CPT2: variants seen among roughly 807,000 people sequenced by gnomAD.
The protein encoded by CPT2 is carnitine O-palmitoyltransferase 2, mitochondrial.
Under a neutral mutation model 48.6 loss-of-function variants are expected in CPT2, and 37 were observed. The ratio of observed to expected loss-of-function variants is 0.76; its 90% confidence interval spans 0.59 to 1.00. The LOEUF (loss-of-function observed/expected upper bound fraction) is 1.00, where lower values mean the gene tolerates loss of function less well. Ranked by LOEUF, CPT2 falls within the 50% of genes least tolerant of loss-of-function variation. CPT2 has a pLI of 0.00. For missense variants in CPT2, 772 were observed against 825.6 expected, an observed-to-expected ratio of 0.94 and a Z score of 0.80; for synonymous variants, 319 against 326.9, an observed-to-expected ratio of 0.98 and a Z score of 0.26.
Position 53,197,063 on chromosome 1 carries a change from GC to G in CPT2, c.123del (p.Thr42ProfsTer31). On this transcript the variant is annotated frameshift_variant, in exon 1 of 5. Transcript: ENST00000371486. LOFTEE classifies it high-confidence loss of function. ...PGQYLQRSIV[P>X]TMHYQDSLPR... ...GCCAGTACCTGCAGCGCAGCATCGTGCCCACCATGCACTACCAGGACAGCCT... is the reference window on the plus strand; with the variant it reads ...GCCAGTACCTGCAGCGCAGCATCGTGCCACCATGCACTACCAGGACAGCCT... The G allele has an allele frequency of 6.5e-7, 1 of 1,539,324 alleles. No homozygotes were observed.
rs1645423595 is a variant in CPT2 at position 53,211,075 on chromosome 1, C to T, written c.1401C>T (p.Ala467=). 6.2e-7 allele frequency: 1 copy of T among 1,614,150 alleles called. No homozygotes were observed. The highest frequency in any genetic ancestry group is 1.3e-5 in the African/African-American group (1 of 75,036). The stretch of plus-strand genomic sequence containing the variant: ...AAAAGCTGAGCCCTGACGCAGTTGC[C>T]CAGCTGGCATTCCAGATGGCCTTCC... ...KKQKLSPDAV[A]QLAFQMAFLR... is the part of the protein sequence containing the mutation. Residue 467 remains alanine, a synonymous_variant, in exon 4 of 5, where the codon GCC becomes GCT. Transcript: ENST00000371486.
Position 53,210,804 on chromosome 1 carries a change from G to A in CPT2, c.1130G>A (p.Gly377Asp). Residue 377 changes from glycine (G) to aspartate (D), a missense_variant, in exon 4 of 5, where the codon GGT becomes GAT. Gly to Asp is a moderately conservative substitution (Grantham distance 94). Transcript: ENST00000371486. ...AVHFEHSWGD[G>D]VAVLRFFNEV... ...CACTTTGAGCACTCTTGGGGTGATG[G>A]TGTGGCAGTGCTCAGATTTTTTAAT... 1 of 1,614,168 alleles carries A rather than the reference G, an allele frequency of 6.2e-7. No homozygotes were observed. The highest frequency in any genetic ancestry group is 8.5e-7 in the Non-Finnish European group (1 of 1,180,018).
chr1:53,197,193 CGCCCCCAAGCCCCTACCATGGAG>C, intron 1 of CPT2, 98 bp downstream of exon 1: 1 of 1,431,514 alleles, frequency 7.0e-7, no homozygotes, highest in East Asian at 2.5e-5. Context: ...AACCCGTTTC[CGCCCCCAAGCCCCTACCATGGAG>C]GCTGCCACAG....
chr1:53,213,418 G>GGGCTTTGCCCCTGTGGTCTCTGAT lies in CPT2; in HGVS notation c.1808_1831dup (p.Ala603_Phe610dup). ...TGAGCAGCCCAGCAGTGAACCTTGGGGGCTTTGCCCCTGTGGTCTCTGATG... is the reference window on the plus strand; with the variant it reads ...TGAGCAGCCCAGCAGTGAACCTTGGGGGCTTTGCCCCTGTGGTCTCTGATGGCTTTGCCCCTGTGGTCTCTGATG... On this transcript the variant is annotated inframe_insertion, in exon 5 of 5. Coordinates refer to ENST00000371486, the MANE Select transcript of CPT2 (RefSeq NM_000098.3). 6.2e-7 allele frequency: 1 copy of GGGCTTTGCCCCTGTGGTCTCTGAT among 1,614,230 alleles called. No homozygotes were observed. Among genetic ancestry groups the GGGCTTTGCCCCTGTGGTCTCTGAT allele is most frequent in the Non-Finnish European group, 8.5e-7 (1 of 1,180,048 alleles).
chr1:53,196,954 G>T lies in CPT2; in HGVS notation c.11G>T (p.Arg4Leu), dbSNP rs1338278472. The change falls in exon 1 of 5, where the codon CGC becomes CTC. Residue 4 changes from arginine to leucine, a missense_variant. By Grantham distance (102) the Arg-to-Leu change is moderately radical. Coordinates refer to ENST00000371486, the MANE Select transcript of CPT2 (RefSeq NM_000098.3). MVP[R>L]LLLRAWPRGP... ...CAGGCTCCCGGGACGATGGTGCCCC[G>T]CCTGCTGCTGCGCGCCTGGCCCCGG... is the stretch of plus-strand genomic sequence containing the variant. The T allele has an allele frequency of 1.3e-6, 2 of 1,540,160 alleles. No individual in the cohort carries two copies. Among genetic ancestry groups the T allele is most frequent in the Non-Finnish European group, 1.7e-6 (2 of 1,151,778 alleles).
intron 3 of CPT2, chr1:53,204,319 C>T (rs540412102): frequency 5.3e-4 from 81 of 151,992 alleles, no homozygotes; most frequent in African/African-American, 1.7e-3. Flanking sequence ...TCTTGGGAGA[C>T]TTACTTAATT....
chr1:53,210,056 G>A lies in CPT2; in HGVS notation c.382G>A (p.Val128Ile), dbSNP rs769160926. The A allele has an allele frequency of 4.3e-6, 7 of 1,614,040 alleles. No individual in the cohort carries two copies. The South Asian group carries it at 7.7e-5, about 18-fold the overall frequency. ...GTACCTATCTGCTCGAGACTCCGTT[G>A]TTCTGAACTTTAATCCATTTATGGC... Reference protein sequence around the residue: ...DMYLSARDSVVLNFNPFMAFN... With the variant: ...DMYLSARDSVILNFNPFMAFN... Residue 128 changes from valine (V) to isoleucine (I), a missense_variant, in exon 4 of 5, where the codon GTT becomes ATT. Coordinates refer to ENST00000371486, the MANE Select transcript of CPT2 (RefSeq NM_000098.3).
rs745619478 is a variant in CPT2, at chr1:53,196,903, C to T, written c.-41C>T. On this transcript the variant is annotated 5_prime_UTR_variant, in exon 1 of 5. Transcript: ENST00000371486. ...GGCCTTGTGTTTAGACTCCAGAACT[C>T]CCCACTTGCCGCGTTCTCGCCGCCG... is the stretch of plus-strand genomic sequence containing the variant. 4 of 1,534,612 alleles carry T rather than the reference C, an allele frequency of 2.6e-6. No homozygotes were observed. The highest frequency in any genetic ancestry group is 2.5e-5 in the East Asian group (1 of 39,800).
At chr1:53,208,725 A>T (rs1202200390) in intron 3 of CPT2, 2 of 152,242 alleles carry the variant, frequency 1.3e-5, no homozygotes, top group African/African-American at 4.8e-5. Flanking sequence ...TTCCAGCATG[A>T]ATGCAAGTGG....
chr1:53,198,268 C>T (rs1645335731), intron 1 of CPT2, among the ~76,000 whole-genome samples: 1 of 152,204 alleles, frequency 6.6e-6, no homozygotes, highest in South Asian at 2.1e-4. Context: ...AGAGGCCAGG[C>T]TTCTTCCCCA....
At chr1:53,200,360 A>C in intron 1 of CPT2, 1 of 193,146 alleles carries the variant, frequency 5.2e-6, no homozygotes, top group Non-Finnish European at 1.1e-5. Flanking sequence ...GCAGTTGTTC[A>C]AACTAAGGGT....
chr1:53,199,451 A>T (rs1645342597), intron 1 of CPT2, among the ~76,000 whole-genome samples: 1 of 152,178 alleles, frequency 6.6e-6, no homozygotes, highest in African/African-American at 2.4e-5. Context: ...CGGCCTCCCA[A>T]AGTGCTGGGA....
At chr1:53,205,318 C>G (rs1645380458) in intron 3 of CPT2, among the ~76,000 whole-genome samples, 1 of 152,128 alleles carries the variant, frequency 6.6e-6, no homozygotes, top group Non-Finnish European at 1.5e-5. Context: ...TAGAGATCTG[C>G]AGAACTTTGA....
chr1:53,205,028 T>C (rs1645378843), intron 3 of CPT2, among the ~76,000 whole-genome samples: 1 of 152,142 alleles, frequency 6.6e-6, no homozygotes, highest in Non-Finnish European at 1.5e-5. Flanking sequence ...GAGGGGGGCA[T>C]TGCTACAAAG....
chr1:53,213,774 C>A lies in CPT2; in HGVS notation c.*179C>A. 2 of 597,712 alleles carry A rather than the reference C, an allele frequency of 3.3e-6. No homozygotes were observed. The highest frequency in any genetic ancestry group is 3.8e-5 in the South Asian group (2 of 52,374). The allele number at this position is 597,712 out of a possible 1,614,324, so 37.0% of individuals were successfully genotyped here. A position where few individuals can be genotyped will look rare whatever the true frequency, so the allele number is the denominator to read the frequency against. ...TGAAACCTTGTCTCTACTAAAAATA[C>A]AAAAATTAGCTGGGTGTGGTGGCAT... is the stretch of plus-strand genomic sequence containing the variant. On this transcript the variant is annotated 3_prime_UTR_variant, in exon 5 of 5. Transcript: ENST00000371486.
Position 53,196,826 on chromosome 1 carries a change from A to C in CPT2, c.-118A>C. 7.5e-7 allele frequency: 1 copy of C among 1,328,682 alleles called. No individual in the cohort carries two copies. The highest frequency in any genetic ancestry group is 2.0e-5 in the Admixed American group (1 of 48,816). 82.3% of individuals were successfully genotyped at this position (1,328,682 alleles called of 1,614,324 possible). On this transcript the variant is annotated 5_prime_UTR_variant, in exon 1 of 5. Transcript: ENST00000371486. ...GGGGCCGGAAGTGGCCTGCGGGCGG[A>C]GAAGTGCCTCAGGAGTCCTGACGCA...
Position 53,211,050 on chromosome 1 carries a change from A to T in CPT2, c.1376A>T (p.Gln459Leu), listed in dbSNP as rs1335909876. The T allele has an allele frequency of 6.2e-7, 1 of 1,614,102 alleles. No individual in the cohort carries two copies. The highest frequency in any genetic ancestry group is 1.3e-5 in the African/African-American group (1 of 74,928). The change falls in exon 4 of 5, where the codon CAA becomes CTA. Residue 459 changes from glutamine to leucine, a missense_variant. Gln to Leu is a moderately radical substitution (Grantham distance 113). Coordinates refer to ENST00000371486, the MANE Select transcript of CPT2 (RefSeq NM_000098.3). ...GGAGGCAAAGAATTCCTGAAGAAGC[A>T]AAAGCTGAGCCCTGACGCAGTTGCC... Reference protein sequence around the residue: ...QRGGKEFLKKQKLSPDAVAQL... With the variant: ...QRGGKEFLKKLKLSPDAVAQL...
At chr1:53,200,594 G>T in intron 1 of CPT2, 125 bp from the exon 2 acceptor site, 1 of 792,368 alleles carries the variant, frequency 1.3e-6, no homozygotes. Context: ...TGATTTGTCA[G>T]TCGCTTCTGA....
At chr1:53,197,998 TC>T (rs1368003798) in intron 1 of CPT2, among the ~76,000 whole-genome samples, 2 of 152,006 alleles carry the variant, frequency 1.3e-5, no homozygotes, top group Non-Finnish European at 2.9e-5. Flanking sequence ...TAAATCCTCT[TC>T]CCCTTCCCTC....
Sources: allele counts gnomAD v4.1 joint callset (sites outside exome capture counted in the v4.1 genomes callset), GRCh38; gene constraint gnomAD v4.1.1; transcripts MANE v1.5; gene names NCBI Gene and HGNC (gene_info 2026-07-23, HGNC 2026-07-21).